The following AUTS2 variants were observed in gnomAD, a reference collection of about 807,000 sequenced individuals.
The protein encoded by AUTS2 is activator of transcription and developmental regulator AUTS2.
AUTS2 carries 17 observed loss-of-function variants against 112.4 expected under a neutral mutation model. That is an observed-to-expected ratio of 0.15 (90% CI 0.10 to 0.23). AUTS2 has a LOEUF of 0.23. Among genes scored for constraint, AUTS2 ranks in the 10% least tolerant of loss-of-function variants. The pLI is 1.00. For synonymous variants in AUTS2, 751 were observed against 702.7 expected (o/e 1.07, Z -1.09); for missense variants, 1,510 against 1,701.6 (o/e 0.89, Z 1.98).
chr7:70,135,902 A>G (rs1213848262), intron 4 of AUTS2, among the ~76,000 whole-genome samples: 1 of 152,194 alleles, frequency 6.6e-6, no homozygotes, highest in Non-Finnish European at 1.5e-5. Flanking sequence ...GGAGACTGCG[A>G]TATCTATTCT....
At chr7:69,630,225 C>T (rs934934052) in intron 1 of AUTS2, among the ~76,000 whole-genome samples, 1 of 152,116 alleles carries the variant, frequency 6.6e-6, no homozygotes, top group Admixed American at 6.5e-5. Flanking sequence ...CCACTTCACT[C>T]CAGCCTAGGT....
At chr7:70,370,665 G>T (rs1292732042) in intron 4 of AUTS2, among the ~76,000 whole-genome samples, 1 of 152,086 alleles carries the variant, frequency 6.6e-6, no homozygotes, top group Non-Finnish European at 1.5e-5. Flanking sequence ...GTTTTTTGTG[G>T]ATATGTTTTC....
chr7:70,357,697 T>C (rs914646819), intron 4 of AUTS2, among the ~76,000 whole-genome samples: 3 of 152,204 alleles, frequency 2.0e-5, no homozygotes, highest in Non-Finnish European at 4.4e-5. Context: ...AGAAAATCAT[T>C]ATGAAGTAAG....
intron 4 of AUTS2, among the ~76,000 whole-genome samples, chr7:70,391,408 A>C (rs909985836): frequency 6.6e-6 from 1 of 152,204 alleles, no homozygotes. Context: ...TGAATGTTGA[A>C]TTAATGAATA....
chr7:70,160,431 C>CT (rs751599305), intron 4 of AUTS2, among the ~76,000 whole-genome samples: 1 of 152,096 alleles, frequency 6.6e-6, no homozygotes, highest in Non-Finnish European at 1.5e-5. Flanking sequence ...CAGATTTCAC[C>CT]TACTTGAAGG....
chr7:70,673,094 C>G (rs1807729710), intron 5 of AUTS2, among the ~76,000 whole-genome samples: 1 of 152,202 alleles, frequency 6.6e-6, no homozygotes. Flanking sequence ...GGGAAACTGG[C>G]TGGCTGGTAA....
chr7:70,090,718 A>G lies in AUTS2; in HGVS notation c.523-27414A>G, dbSNP rs1177067329. On this transcript the variant is annotated intron_variant, in intron 2 of 18. Transcript: ENST00000342771. ...TTTTTTTTGAGGCGGAGTCTCGGTC[A>G]CCCAGACTGGAGTGTAGTGGCATGA... is the stretch of plus-strand genomic sequence containing the variant. 2.0e-5 allele frequency among the ~76,000 whole-genome samples: 3 copies of G among 148,374 alleles called. No homozygotes were observed. In the East Asian group the frequency reaches 5.9e-4, roughly 29 times the overall value.
chr7:70,560,674 T>G (rs1801450787), intron 5 of AUTS2, among the ~76,000 whole-genome samples: 1 of 152,262 alleles, frequency 6.6e-6, no homozygotes, highest in Admixed American at 6.5e-5. Context: ...GGATAGATTA[T>G]TATTTCAAGC....
At chr7:70,012,586 A>G (rs908392322) in intron 2 of AUTS2, among the ~76,000 whole-genome samples, 3 of 151,176 alleles carry the variant, frequency 2.0e-5, no homozygotes, top group African/African-American at 4.9e-5. Context: ...CTTTTTCCTT[A>G]CCATTTTTTC....
chr7:69,807,988 G>T (rs1351539894), intron 1 of AUTS2, among the ~76,000 whole-genome samples: 1 of 143,570 alleles, frequency 7.0e-6, no homozygotes, highest in African/African-American at 2.6e-5. Context: ...CTGTTGCCCA[G>T]GCTGGAGTGC....
In AUTS2 at chr7:70,648,574, T is replaced by C. The variant is rs530233936; in HGVS notation, c.691-49995T>C. On this transcript the variant is annotated intron_variant, in intron 5 of 18. Transcript: ENST00000342771. ...AAACAGAATTTGTTTTGGTTTTTGG[T>C]TTTTTGTTTTGTTTCGTTTTGTTTT... 4.5e-3 allele frequency among the ~76,000 whole-genome samples: 684 copies of C among 152,188 alleles called. 6 individuals are homozygous for C. The highest frequency in any genetic ancestry group is 0.016 in the African/African-American group (649 of 41,482).
At position 70,348,375 on chromosome 7, in the gene AUTS2, C is replaced by T. The variant is rs556755750; in HGVS notation, c.661-87377C>T. Among the ~76,000 whole-genome samples the T allele has an allele frequency of 7.9e-5, 12 of 152,240 alleles. No homozygotes were observed. In the South Asian group the frequency reaches 2.5e-3, roughly 32 times the overall value. ...GTCAATTAAGAAAAAATAAAAGAAA[C>T]CCCTGAAAAGAGGATCTGATATGTG... On this transcript the variant is annotated intron_variant, in intron 4 of 18. Coordinates refer to ENST00000342771, the MANE Select transcript of AUTS2 (RefSeq NM_015570.4).
intron 5 of AUTS2, among the ~76,000 whole-genome samples, chr7:70,653,743 C>G (rs1806628704): frequency 6.6e-6 from 1 of 152,190 alleles, no homozygotes; most frequent in Admixed American, 6.5e-5. Flanking sequence ...CTAAATAAAT[C>G]TTGAGATCAG....
intron 1 of AUTS2, among the ~76,000 whole-genome samples, chr7:69,765,152 G>T (rs1788364409): frequency 2.6e-5 from 4 of 152,150 alleles, no homozygotes; most frequent in Admixed American, 2.6e-4. Flanking sequence ...TCTCCACTGG[G>T]CGGATTACAT....
intron 2 of AUTS2, among the ~76,000 whole-genome samples, chr7:69,999,745 CT>C (rs1244607554): frequency 5.9e-5 from 9 of 152,126 alleles, no homozygotes; most frequent in African/African-American, 2.2e-4. Context: ...AGTTACCCCC[CT>C]GCCACACACA....
chr7:69,630,471 A>G (rs1351445659), intron 1 of AUTS2, among the ~76,000 whole-genome samples: 3 of 152,308 alleles, frequency 2.0e-5, no homozygotes, highest in South Asian at 2.1e-4. Flanking sequence ...AGCCACGAGT[A>G]AACGTCTGGT....
intron 5 of AUTS2, among the ~76,000 whole-genome samples, chr7:70,551,480 T>C (rs1801013215): frequency 6.6e-6 from 1 of 152,146 alleles, no homozygotes; most frequent in African/African-American, 2.4e-5. Flanking sequence ...CAACCCAGTC[T>C]TAATCATGAG....
intron 6 of AUTS2, among the ~76,000 whole-genome samples, chr7:70,739,804 TAAAA>T (rs35729505): frequency 0.37 from 52,307 of 139,492 alleles, 10,933 homozygotes; most frequent in African/African-American, 0.58. Flanking sequence ...CTCTAATTGT[TAAAA>T]AAAAAAAAAA....
At chr7:69,804,737 G>A (rs1397290791) in intron 1 of AUTS2, among the ~76,000 whole-genome samples, 3 of 152,150 alleles carry the variant, frequency 2.0e-5, no homozygotes, top group Non-Finnish European at 4.4e-5. Flanking sequence ...TTCTTGTCTC[G>A]ATTTGTAGCA....
Sources: allele counts gnomAD v4.1 joint callset (sites outside exome capture counted in the v4.1 genomes callset), GRCh38; gene constraint gnomAD v4.1.1; transcripts MANE v1.5; gene names NCBI Gene and HGNC (gene_info 2026-07-23, HGNC 2026-07-21).